MYOCOS: variants seen among roughly 807,000 people sequenced by gnomAD.
MYOCOS encodes the protein myocilin opposite strand protein.
intron 1 of MYOCOS, among the ~76,000 whole-genome samples, chr1:171,607,981 CA>C (rs1434943968): frequency 6.6e-6 from 1 of 152,148 alleles, no homozygotes; most frequent in East Asian, 1.9e-4. Flanking sequence ...TGGCATCAGA[CA>C]AGAGAGAAAT....
At chr1:171,624,238 T>A (rs756293300) in intron 2 of MYOCOS, among the ~76,000 whole-genome samples, 8 of 151,620 alleles carry the variant, frequency 5.3e-5, no homozygotes, top group Non-Finnish European at 8.8e-5. Context: ...TGATAGAGAG[T>A]GGGGAGTGGG....
chr1:171,616,879 C>G (rs1278538984), intron 2 of MYOCOS, among the ~76,000 whole-genome samples: 8 of 152,156 alleles, frequency 5.3e-5, no homozygotes, highest in Admixed American at 2.0e-4. Flanking sequence ...GCCATGTAGC[C>G]ATAACATGGG....
At chr1:171,617,606 G>A (rs1157771790), upstream of MYOCOS, among the ~76,000 whole-genome samples, 3 of 152,128 alleles carry the variant, frequency 2.0e-5, no homozygotes, top group Admixed American at 6.5e-5. Context: ...TGAGTGATAC[G>A]AGACATGTTT....
chr1:171,614,545 C>A (rs900079246), intron 1 of MYOCOS, among the ~76,000 whole-genome samples: 4 of 152,176 alleles, frequency 2.6e-5, no homozygotes, highest in African/African-American at 7.2e-5. Context: ...TGCAGGCTAG[C>A]CTTTATCTCT....
intron 1 of MYOCOS, among the ~76,000 whole-genome samples, chr1:171,603,324 G>A (rs1177211446): frequency 2.6e-5 from 4 of 152,180 alleles, no homozygotes; most frequent in South Asian, 2.1e-4. Context: ...GCACTCTGCC[G>A]CATAACTAGA....
At position 171,622,290 on chromosome 1, in the gene MYOCOS, C is replaced by G. The variant is rs1405823702; in HGVS notation, c.-86C>G. The G allele has an allele frequency of 1.3e-5, 2 of 152,218 alleles. No homozygotes were observed. The highest frequency in any genetic ancestry group is 6.5e-5 in the Admixed American group (1 of 15,272). 9.4% of individuals were successfully genotyped at this position (152,218 alleles called of 1,614,324 possible). On this transcript the variant is annotated 5_prime_UTR_variant, in exon 1 of 3. Coordinates refer to ENST00000637642, the MANE Select transcript of MYOCOS (RefSeq NM_001391940.1). ...CTCTGCCCCCAAGACCCATCCTCTC[C>G]CTGCGACATCTGTGGAGATTTCTCA...
chr1:171,618,671 G>A (rs753159760), upstream of MYOCOS, among the ~76,000 whole-genome samples: 3 of 152,294 alleles, frequency 2.0e-5, no homozygotes, highest in Admixed American at 1.3e-4. Context: ...CGCCTCCTGG[G>A]TTCAAGCAAT....
At chr1:171,604,663 A>C (rs1225842319) in intron 1 of MYOCOS, among the ~76,000 whole-genome samples, 1 of 152,228 alleles carries the variant, frequency 6.6e-6, no homozygotes, top group Non-Finnish European at 1.5e-5. Context: ...CTGTGCCACT[A>C]TTAATAATAA....
chr1:171,609,453 TC>T (rs1652316313), intron 1 of MYOCOS, among the ~76,000 whole-genome samples: 1 of 152,128 alleles, frequency 6.6e-6, no homozygotes, highest in Non-Finnish European at 1.5e-5. Context: ...GTGGATGTAT[TC>T]CCCTCCTGCA....
rs147331804 is a variant in MYOCOS, at chr1:171,608,299, C to T, written c.-251-6499C>T. ...ATAAAATTGGATTGGCAGAGGGAGA[C>T]GTTCACCTGAGATGCTAATGCAAAA... On this transcript the variant is annotated intron_variant, in intron 1 of 3. Transcript: ENST00000636697. Among the ~76,000 whole-genome samples, 618 of 151,394 alleles carry T rather than the reference C, an allele frequency of 4.1e-3. 5 individuals are homozygous for T. The highest frequency in any genetic ancestry group is 0.013 in the African/African-American group (516 of 41,246).
At chr1:171,605,752 GC>G (rs1468428269) in intron 1 of MYOCOS, among the ~76,000 whole-genome samples, 5 of 151,940 alleles carry the variant, frequency 3.3e-5, no homozygotes, top group Non-Finnish European at 7.4e-5. Flanking sequence ...CTATAAGCCT[GC>G]CACTTAGGCA....
At chr1:171,613,063 G>A (rs1033321068) in intron 1 of MYOCOS, among the ~76,000 whole-genome samples, 1 of 152,150 alleles carries the variant, frequency 6.6e-6, no homozygotes, top group African/African-American at 2.4e-5. Context: ...TTGAATACCA[G>A]TGTCATCTTG....
chr1:171,606,229 A>G (rs1652241517), intron 1 of MYOCOS, among the ~76,000 whole-genome samples: 1 of 152,192 alleles, frequency 6.6e-6, no homozygotes, highest in African/African-American at 2.4e-5. Context: ...TAGTTCACCA[A>G]AATGCTTCAG....
exon 1 of MYOCOS, chr1:171,600,985 G>A (rs1286454762): frequency 1.3e-5 from 2 of 152,246 alleles, no homozygotes; most frequent in South Asian, 2.1e-4. Context: ...GGGGCTACCC[G>A]AGGCAGCCCC....
intron 2 of MYOCOS, among the ~76,000 whole-genome samples, chr1:171,615,696 C>T (rs955540727): frequency 2.6e-5 from 4 of 152,196 alleles, no homozygotes; most frequent in Admixed American, 2.6e-4. Flanking sequence ...GCATGCAGCC[C>T]CTGTCACGTA....
upstream of MYOCOS, among the ~76,000 whole-genome samples, chr1:171,619,410 T>C (rs1301730122): frequency 6.6e-6 from 1 of 152,232 alleles, no homozygotes; most frequent in Non-Finnish European, 1.5e-5. Context: ...ATAGTGATTT[T>C]TCCTGGATTG....
At chr1:171,606,692 A>G (rs1652249612) in intron 1 of MYOCOS, among the ~76,000 whole-genome samples, 2 of 152,200 alleles carry the variant, frequency 1.3e-5, no homozygotes, top group Admixed American at 1.3e-4. Context: ...GTAAGCCCTT[A>G]AAAAGGACAG....
intron 1 of MYOCOS, among the ~76,000 whole-genome samples, chr1:171,601,597 A>C (rs372884605): frequency 1.2e-4 from 18 of 152,240 alleles, no homozygotes; most frequent in East Asian, 5.8e-4. Context: ...ACTCCAGGAA[A>C]ACTTAGGACT....
At chr1:171,601,805 G>A (rs60834491) in intron 1 of MYOCOS, among the ~76,000 whole-genome samples, 2,214 of 152,200 alleles carry the variant, frequency 0.015, 57 homozygotes, top group African/African-American at 0.05. Context: ...CAGCATAAGC[G>A]GCTGGCAGAG....
Sources: gnomAD v4.1 joint callset for allele counts (sites outside exome capture counted in the v4.1 genomes callset) on GRCh38, gnomAD v4.1.1 for gene constraint, MANE v1.5 for transcripts, NCBI Gene and HGNC (gene_info 2026-07-23, HGNC 2026-07-21) for gene names.